Variants in AR observed in about 807,000 individuals in gnomAD.
The protein encoded by AR is dihydrotestosterone receptor.
Under a neutral mutation model 53.9 loss-of-function variants are expected in AR, and 8 were observed. The ratio of observed to expected loss-of-function variants is 0.15; its 90% CI spans 0.09 to 0.27. The LOEUF (loss-of-function observed/expected upper bound fraction) is 0.27. AR is among the 10% of genes least tolerant of loss of function. The pLI is 1.00. For synonymous variants in AR, 359 were observed against 316.4 expected, an observed-to-expected ratio of 1.13 and a Z score of -1.43; for missense variants, 639 against 742.5, an observed-to-expected ratio of 0.86 and a Z score of 1.62.
intron 1 of AR, among the ~76,000 whole-genome samples, chrX:67,621,564 T>C: frequency 9.0e-6 from 1 of 110,760 alleles, no homozygotes. Context: ...TGTGTCTATG[T>C]GCTCTCATTG....
intron 1 of AR, among the ~76,000 whole-genome samples, chrX:67,577,750 C>T (rs761297246): frequency 4.5e-5 from 5 of 111,153 alleles, no homozygotes; most frequent in Non-Finnish European, 9.5e-5. Flanking sequence ...GGATATTGAT[C>T]ATCTTTTCAT....
intron 2 of AR, among the ~76,000 whole-genome samples, chrX:67,669,984 A>G (rs1221071617): frequency 9.7e-6 from 1 of 103,526 alleles, no homozygotes; most frequent in Non-Finnish European, 2.0e-5. Flanking sequence ...TTATTTTAAA[A>G]TATTTTTAAA....
intron 3 of AR, among the ~76,000 whole-genome samples, chrX:67,696,460 G>C (rs750238455): frequency 2.1e-4 from 23 of 111,896 alleles, no homozygotes; most frequent in Admixed American, 1.8e-3. Context: ...GCTGGATCCT[G>C]TGCTTTGGCA....
intron 2 of AR, among the ~76,000 whole-genome samples, chrX:67,682,827 T>G (rs2075943738): frequency 8.9e-6 from 1 of 112,128 alleles, no homozygotes; most frequent in Non-Finnish European, 1.9e-5. Context: ...CCCCTATCTT[T>G]GTCCTTAAAC....
At chrX:67,639,549 G>A (rs765891149) in intron 1 of AR, among the ~76,000 whole-genome samples, 21 of 111,231 alleles carry the variant, frequency 1.9e-4, no homozygotes, top group African/African-American at 6.9e-4. Flanking sequence ...TTGTAAGTTG[G>A]ATTCCTACAT....
chrX:67,644,566 A>G (rs1925954263), intron 2 of AR, among the ~76,000 whole-genome samples: 1 of 112,112 alleles, frequency 8.9e-6, no homozygotes, highest in East Asian at 2.8e-4. Flanking sequence ...AATATGGAAG[A>G]AGCACCAGAG....
intron 1 of AR, among the ~76,000 whole-genome samples, chrX:67,557,331 T>C (rs1187447530): frequency 2.7e-5 from 3 of 111,500 alleles, no homozygotes; most frequent in African/African-American, 6.5e-5. Flanking sequence ...ATGAGGATGA[T>C]TGCCAAGTTT....
chrX:67,573,079 G>C (rs1234036820), intron 1 of AR, among the ~76,000 whole-genome samples: 1 of 111,282 alleles, frequency 9.0e-6, no homozygotes, highest in African/African-American at 3.3e-5. Context: ...TCAGCACATA[G>C]TTATTTCCCT....
intron 3 of AR, chrX:67,695,794 C>G: frequency 1.3e-6 from 1 of 746,187 alleles, no homozygotes; most frequent in Non-Finnish European, 1.6e-6. Context: ...CTCTCCCCCC[C>G]CAACACACAC....
intron 3 of AR, among the ~76,000 whole-genome samples, chrX:67,708,711 G>T (rs2076079984): frequency 8.9e-6 from 1 of 111,912 alleles, no homozygotes; most frequent in Non-Finnish European, 1.9e-5. Flanking sequence ...AGGAGAAGAG[G>T]GGCTCTGATT....
intron 3 of AR, among the ~76,000 whole-genome samples, chrX:67,698,235 T>C (rs927466958): frequency 2.7e-5 from 3 of 112,171 alleles, no homozygotes; most frequent in African/African-American, 9.7e-5. Context: ...CACAATCCAG[T>C]ATTCCTCTGA....
chrX:67,560,247 AG>A (rs1921237054), intron 1 of AR, among the ~76,000 whole-genome samples: 1 of 111,362 alleles, frequency 9.0e-6, no homozygotes, highest in South Asian at 3.8e-4. Flanking sequence ...AGGGTGCTGA[AG>A]GGATATGCTG....
chrX:67,591,355 A>T (rs1383983064), intron 1 of AR, among the ~76,000 whole-genome samples: 2 of 111,821 alleles, frequency 1.8e-5, no homozygotes, highest in Non-Finnish European at 3.8e-5. Flanking sequence ...AAAGAAATGC[A>T]TAGAGAGAAA....
In AR at chrX:67,730,105, A is replaced by C. The variant is rs1180750114; in HGVS notation, c.*6264A>C. ...ACATTCTTGTGCTGTCCTTGGAATTAATCTGGCAGCAGGAGGGAGCAGACT... is the reference window on the plus strand; with the variant it reads ...ACATTCTTGTGCTGTCCTTGGAATTCATCTGGCAGCAGGAGGGAGCAGACT... On this transcript the variant is annotated 3_prime_UTR_variant, in exon 8 of 8. Transcript: ENST00000374690. 1 of 173,906 alleles carries C rather than the reference A, an allele frequency of 5.8e-6. No individual in the cohort carries two copies. Among genetic ancestry groups the C allele is most frequent in the African/African-American group, 3.0e-5 (1 of 33,837 alleles). 14.3% of individuals were successfully genotyped at this position (173,906 alleles called of 1,213,427 possible). A position where few individuals can be genotyped will look rare whatever the true frequency, so the allele number is the denominator to read the frequency against.
chrX:67,658,448 T>A (rs1390799965), intron 2 of AR, among the ~76,000 whole-genome samples: 4 of 112,122 alleles, frequency 3.6e-5, no homozygotes, highest in African/African-American at 1.3e-4. Context: ...TGAGATCACT[T>A]TATTTTATTT....
chrX:67,560,028 A>G (rs1223007158), intron 1 of AR, among the ~76,000 whole-genome samples: 1 of 111,632 alleles, frequency 9.0e-6, no homozygotes, highest in Non-Finnish European at 1.9e-5. Context: ...ATAGACCAAA[A>G]ATTTTAACCA....
At chrX:67,689,776 A>C in intron 3 of AR, 1 of 813,996 alleles carries the variant, frequency 1.2e-6, no homozygotes, top group Non-Finnish European at 1.5e-6. Context: ...CTTACAAAAA[A>C]AGTCCAAATG....
At chrX:67,649,061 T>A (rs1239786796) in intron 2 of AR, among the ~76,000 whole-genome samples, 2 of 111,348 alleles carry the variant, frequency 1.8e-5, no homozygotes, top group Non-Finnish European at 3.8e-5. Flanking sequence ...TGTGTGATGT[T>A]CCCCTCCCTG....
At chrX:67,699,037 G>A (rs929464506) in intron 3 of AR, among the ~76,000 whole-genome samples, 2 of 111,890 alleles carry the variant, frequency 1.8e-5, no homozygotes, top group African/African-American at 3.3e-5. Flanking sequence ...TAACGGAGCC[G>A]GGATTTGAAC....
Sources: gnomAD v4.1 joint callset for allele counts (sites outside exome capture counted in the v4.1 genomes callset) on GRCh38, gnomAD v4.1.1 for gene constraint, MANE v1.5 for transcripts, NCBI Gene and HGNC (gene_info 2026-07-23, HGNC 2026-07-21) for gene names.